The following ATP13A4 variants were observed in gnomAD, a reference collection of about 807,000 sequenced individuals.
The protein encoded by ATP13A4 is ATPase 13A4, also known as probable cation-transporting ATPase 13A4.
Under a neutral mutation model 142.5 loss-of-function variants are expected in ATP13A4, and 114 were observed. The ratio of observed to expected loss-of-function variants is 0.80; its 90% CI spans 0.69 to 0.93. The LOEUF (loss-of-function observed/expected upper bound fraction) is 0.93. Among genes scored for constraint, ATP13A4 ranks in the 40% least tolerant of loss-of-function variants. ATP13A4 has a pLI of 0.00. For synonymous variants in ATP13A4, 488 were observed against 514.8 expected, an observed-to-expected ratio of 0.95 and a Z score of 0.70; for missense variants, 1,392 against 1,454.0, an observed-to-expected ratio of 0.96 and a Z score of 0.69.
At chr3:193,474,190 G>A (rs1352078739) in intron 8 of ATP13A4, among the ~76,000 whole-genome samples, 5 of 151,396 alleles carry the variant, frequency 3.3e-5, no homozygotes, top group Non-Finnish European at 5.9e-5. Flanking sequence ...ATGGTGGCAC[G>A]TGCCTGTAGT....
intron 1 of ATP13A4, among the ~76,000 whole-genome samples, chr3:193,544,928 T>C (rs367895875): frequency 2.6e-4 from 39 of 152,322 alleles, no homozygotes; most frequent in African/African-American, 8.9e-4. Context: ...GATTTGGGTA[T>C]ATTATATAGT....
Position 193,548,251 on chromosome 3 carries a change from GAATGCAAAATTGCAGTT to G in ATP13A4, c.60+6472_60+6488del, listed in dbSNP as rs1436061948. On this transcript the variant is annotated intron_variant, in intron 1 of 29. Transcript: ENST00000342695. ...GAGCTCTGCTGCATCCCTGTTCTCA[GAATGCAAAATTGCAGTT>G]AATAGAGCTTGCAATTACGCTATCA... 2.0e-5 allele frequency among the ~76,000 whole-genome samples: 3 copies of G among 152,216 alleles called. No individual in the cohort carries two copies. In the East Asian group the frequency reaches 5.8e-4, roughly 29 times the overall value.
Position 193,588,831 on chromosome 3 carries a change from T to C in ATP13A4, n.91+4190A>G, listed in dbSNP as rs745564928. 9.9e-5 allele frequency among the ~76,000 whole-genome samples: 15 copies of C among 152,122 alleles called. 1 individual carries two copies. Among genetic ancestry groups the C allele is most frequent in the Non-Finnish European group, 1.9e-4 (13 of 68,014 alleles). The stretch of plus-strand genomic sequence containing the variant: ...TTAGTTGAGGGTGGGAACTGTGGTT[T>C]ACTCTTTTTAAAAAAATATATCCTC... On this transcript the variant is annotated intron_variant and non_coding_transcript_variant, in intron 1 of 3. Transcript: ENST00000489140.
At chr3:193,530,708 A>G (rs1464696341) in intron 1 of ATP13A4, among the ~76,000 whole-genome samples, 1 of 152,116 alleles carries the variant, frequency 6.6e-6, no homozygotes, top group Non-Finnish European at 1.5e-5. Context: ...CTTACCTACT[A>G]GAGTCACCAG....
intron 8 of ATP13A4, among the ~76,000 whole-genome samples, chr3:193,479,960 G>C (rs373209485): frequency 2.6e-4 from 39 of 152,212 alleles, no homozygotes; most frequent in African/African-American, 9.4e-4. Flanking sequence ...TAGAAATAAA[G>C]CCAAACACTT....
intron 25 of ATP13A4, among the ~76,000 whole-genome samples, chr3:193,415,747 C>T (rs1358084559): frequency 6.6e-6 from 1 of 151,288 alleles, no homozygotes. Flanking sequence ...ATGCAGTTGC[C>T]TAGGGCAAAA....
intron 2 of ATP13A4, 113 bp downstream of exon 2, chr3:193,514,585 A>C: frequency 7.2e-7 from 1 of 1,380,422 alleles, no homozygotes; most frequent in Non-Finnish European, 1.0e-6. Context: ...GGAACCAAAG[A>C]CTGGAGCCTC....
intron 7 of ATP13A4, among the ~76,000 whole-genome samples, chr3:193,485,398 C>T (rs1014686822): frequency 6.6e-6 from 1 of 152,038 alleles, no homozygotes; most frequent in Non-Finnish European, 1.5e-5. Flanking sequence ...TAGGAATGTC[C>T]CACAGGGGCT....
chr3:193,419,438 C>A (rs565343884), intron 25 of ATP13A4, among the ~76,000 whole-genome samples: 17 of 150,144 alleles, frequency 1.1e-4, no homozygotes, highest in Non-Finnish European at 1.9e-4. Context: ...GTCTTGCCTT[C>A]TGGGAAAATG....
intron 25 of ATP13A4, among the ~76,000 whole-genome samples, chr3:193,432,996 T>C (rs998315905): frequency 2.6e-5 from 4 of 152,208 alleles, no homozygotes; most frequent in African/African-American, 9.6e-5. Flanking sequence ...TATTATTAAT[T>C]GTTTCTCACG....
chr3:193,467,189 A>C, intron 10 of ATP13A4, 127 bp downstream of exon 10: 2 of 1,005,138 alleles, frequency 2.0e-6, no homozygotes, highest in Non-Finnish European at 1.4e-6. Context: ...ATACCCACAA[A>C]AATTAAAAAT....
chr3:193,572,254 T>C (rs1427692693), intron 2 of ATP13A4, among the ~76,000 whole-genome samples: 2 of 152,010 alleles, frequency 1.3e-5, no homozygotes, highest in Non-Finnish European at 2.9e-5. Flanking sequence ...TCTAAAAAAA[T>C]AGGGGAAACT....
chr3:193,438,387 G>C, intron 23 of ATP13A4, 88 bp downstream of exon 23: 1 of 1,124,856 alleles, frequency 8.9e-7, no homozygotes, highest in Admixed American at 1.9e-5. Flanking sequence ...GGGACAGAAA[G>C]TTTCTCTAGT....
chr3:193,455,989 G>T (rs59716181), intron 16 of ATP13A4, among the ~76,000 whole-genome samples: 6,601 of 152,134 alleles, frequency 0.043, 481 homozygotes, highest in African/African-American at 0.15. Context: ...CATGGACATA[G>T]GGGGGAACAA....
intron 2 of ATP13A4, among the ~76,000 whole-genome samples, chr3:193,575,896 A>G (rs989386181): frequency 1.3e-5 from 2 of 152,206 alleles, no homozygotes; most frequent in Admixed American, 1.3e-4. Context: ...ATTTTCAACC[A>G]GAAGTGATTT....
At chr3:193,406,708 A>T (rs1714514679) in intron 29 of ATP13A4, among the ~76,000 whole-genome samples, 1 of 152,242 alleles carries the variant, frequency 6.6e-6, no homozygotes, top group Non-Finnish European at 1.5e-5. Context: ...CCCATCCGCA[A>T]GGCAAAAATG....
rs2108597214 is a variant in ATP13A4, at chr3:193,401,838, T to G, written c.*814A>C. 6.6e-6 allele frequency among the ~76,000 whole-genome samples: 1 copy of G among 152,344 alleles called. No individual in the cohort carries two copies. Among genetic ancestry groups the G allele is most frequent in the African/African-American group, 2.4e-5 (1 of 41,590 alleles). ...CAGGAGACTGCACTTTCCAGCTCCCTGGCCAAATCCTTGACTAATGAGATA... is the reference window on the plus strand; with the variant it reads ...CAGGAGACTGCACTTTCCAGCTCCCGGGCCAAATCCTTGACTAATGAGATA... On this transcript the variant is annotated 3_prime_UTR_variant, in exon 30 of 30. Coordinates refer to ENST00000342695, the MANE Select transcript of ATP13A4 (RefSeq NM_032279.4).
chr3:193,474,322 C>CAAAAAAAAA (rs1176133187), intron 8 of ATP13A4, among the ~76,000 whole-genome samples: 2 of 69,066 alleles, frequency 2.9e-5, no homozygotes, highest in African/African-American at 5.1e-5. Flanking sequence ...GACTCCGTCT[C>CAAAAAAAAA]AAAAAAAAAA....
rs71179308 is a variant in ATP13A4, at chr3:193,541,248, C to CAAAAAAAAAAAAAAAAAAAAAAAAAAA, written c.60+13491_60+13492insTTTTTTTTTTTTTTTTTTTTTTTTTTT. ...TGGGCGACAGAGCGAGACTCCTTCT[C>CAAAAAAAAAAAAAAAAAAAAAAAAAAA]AAAAAAAAAAAAAAAAAAAAAATCA... On this transcript the variant is annotated intron_variant, in intron 1 of 29. Transcript: ENST00000342695. 2.1e-4 allele frequency among the ~76,000 whole-genome samples: 11 copies of CAAAAAAAAAAAAAAAAAAAAAAAAAAA among 51,278 alleles called. 1 individual carries two copies. Among genetic ancestry groups the CAAAAAAAAAAAAAAAAAAAAAAAAAAA allele is most frequent in the African/African-American group, 2.1e-4 (3 of 14,250 alleles). 33.6% of individuals were successfully genotyped at this position (51,278 alleles called of 152,430 possible).
Sources: gnomAD v4.1 joint callset for allele counts (sites outside exome capture counted in the v4.1 genomes callset) on GRCh38, gnomAD v4.1.1 for gene constraint, MANE v1.5 for transcripts, NCBI Gene and HGNC (gene_info 2026-07-23, HGNC 2026-07-21) for gene names.